The following CNTN5 variants were observed in gnomAD, a reference collection of about 807,000 sequenced individuals.
CNTN5 encodes contactin-5.
In CNTN5, 77 loss-of-function variants were observed where a neutral mutation model predicts 129.1. The observed-to-expected ratio is 0.60, with a 90% CI of 0.50 to 0.72. The LOEUF is 0.72. CNTN5 is among the 30% of genes least tolerant of loss of function. The pLI, the probability that CNTN5 is intolerant of heterozygous loss-of-function variation, is 0.00. For synonymous variants in CNTN5, 509 were observed against 465.6 expected (o/e 1.09, Z -1.20); for missense variants, 1,478 against 1,328.8 (o/e 1.11, Z -1.75).
At chr11:99,998,007 A>T (rs1939573778) in intron 8 of CNTN5, among the ~76,000 whole-genome samples, 1 of 152,162 alleles carries the variant, frequency 6.6e-6, no homozygotes, top group Admixed American at 6.6e-5. Flanking sequence ...ACGTATCTCA[A>T]AATGATAAGA....
chr11:99,318,598 T>C (rs17577573), intron 1 of CNTN5, among the ~76,000 whole-genome samples: 40,019 of 151,924 alleles, frequency 0.26, 5,906 homozygotes, highest in Middle Eastern at 0.38. Flanking sequence ...AGGAGCATCA[T>C]CCAAAACATC....
intron 3 of CNTN5, among the ~76,000 whole-genome samples, chr11:99,685,025 C>CT (rs1953728347): frequency 1.3e-5 from 2 of 150,922 alleles, no homozygotes; most frequent in South Asian, 4.2e-4. Flanking sequence ...GATTTTTAAT[C>CT]TTTTTTCTAA....
chr11:100,089,478 C>A (rs1331619209), intron 13 of CNTN5, among the ~76,000 whole-genome samples: 1 of 152,128 alleles, frequency 6.6e-6, no homozygotes, highest in Admixed American at 6.6e-5. Flanking sequence ...ATTAGTTCAA[C>A]CATTGAGTAA....
chr11:100,226,219 CTCAG>C (rs892229080), intron 16 of CNTN5, among the ~76,000 whole-genome samples: 3 of 152,108 alleles, frequency 2.0e-5, no homozygotes, highest in African/African-American at 7.2e-5. Context: ...AAACCCTACA[CTCAG>C]TCAAATTCAT....
At chr11:99,750,748 A>G (rs1291425987) in intron 3 of CNTN5, among the ~76,000 whole-genome samples, 2 of 152,338 alleles carry the variant, frequency 1.3e-5, no homozygotes, top group South Asian at 2.1e-4. Flanking sequence ...TATCACACGA[A>G]CAATATCTTT....
intron 4 of CNTN5, among the ~76,000 whole-genome samples, chr11:99,830,127 G>T (rs781679988): frequency 6.6e-6 from 1 of 152,032 alleles, no homozygotes; most frequent in African/African-American, 2.4e-5. Context: ...TTTTTCGGGG[G>T]CGGGGAGCAT....
chr11:99,769,471 A>G (rs1194407167), intron 3 of CNTN5, among the ~76,000 whole-genome samples: 6 of 151,830 alleles, frequency 4.0e-5, no homozygotes, highest in Non-Finnish European at 7.4e-5. Flanking sequence ...CACCTCTCTC[A>G]CTCTATAACT....
chr11:99,986,916 T>C (rs759973530), intron 8 of CNTN5, among the ~76,000 whole-genome samples: 5 of 152,240 alleles, frequency 3.3e-5, no homozygotes, highest in Middle Eastern at 3.4e-3. Context: ...GGAATCAAAT[T>C]GACAGAACTT....
At chr11:100,197,122 G>A (rs1948658525) in intron 15 of CNTN5, among the ~76,000 whole-genome samples, 1 of 152,056 alleles carries the variant, frequency 6.6e-6, no homozygotes, top group Admixed American at 6.6e-5. Context: ...CATAGGAGAA[G>A]CTGCATCTCA....
chr11:99,703,697 G>A (rs531705049), intron 3 of CNTN5, among the ~76,000 whole-genome samples: 56 of 150,918 alleles, frequency 3.7e-4, no homozygotes, highest in African/African-American at 1.3e-3. Context: ...CTAATGACAT[G>A]TTCTATTAGT....
chr11:99,752,999 G>A (rs567251354), intron 3 of CNTN5, among the ~76,000 whole-genome samples: 4 of 151,936 alleles, frequency 2.6e-5, no homozygotes, highest in African/African-American at 9.7e-5. Flanking sequence ...TAACCTATAG[G>A]AAGGCACAAA....
chr11:99,169,307 T>C (rs916309688), intron 1 of CNTN5, among the ~76,000 whole-genome samples: 4 of 152,218 alleles, frequency 2.6e-5, no homozygotes, highest in African/African-American at 9.6e-5. Context: ...GGAATTCCTG[T>C]GCTATTTTAT....
At chr11:99,087,797 C>T (rs895189639) in intron 1 of CNTN5, among the ~76,000 whole-genome samples, 5 of 152,150 alleles carry the variant, frequency 3.3e-5, no homozygotes, top group African/African-American at 1.2e-4. Flanking sequence ...TAAAGAATAA[C>T]AAGACATTTT....
intron 21 of CNTN5, among the ~76,000 whole-genome samples, chr11:100,310,219 C>T (rs2138927531): frequency 6.6e-6 from 1 of 152,054 alleles, no homozygotes; most frequent in South Asian, 2.1e-4. Flanking sequence ...GGGCAGACGT[C>T]TGGTGTGCAT....
At chr11:99,117,256 T>C (rs974883493) in intron 1 of CNTN5, among the ~76,000 whole-genome samples, 2 of 152,124 alleles carry the variant, frequency 1.3e-5, no homozygotes, top group Non-Finnish European at 2.9e-5. Context: ...GAATCACAAA[T>C]ATGCAGTATG....
chr11:99,732,914 G>T (rs1364968729), intron 3 of CNTN5, among the ~76,000 whole-genome samples: 1 of 152,128 alleles, frequency 6.6e-6, no homozygotes, highest in Non-Finnish European at 1.5e-5. Context: ...AGAAATAAAA[G>T]ATATGCCTTT....
In CNTN5 at chr11:99,199,303, G is replaced by A. The variant is rs527679691; in HGVS notation, c.-209-126043G>A. 1.4e-4 allele frequency among the ~76,000 whole-genome samples: 22 copies of A among 152,286 alleles called. No individual in the cohort carries two copies. The East Asian group carries it at 4.2e-3, about 29-fold the overall frequency. On this transcript the variant is annotated intron_variant, in intron 1 of 24. Coordinates refer to ENST00000524871, the MANE Select transcript of CNTN5 (RefSeq NM_014361.4). The stretch of plus-strand genomic sequence containing the variant: ...GATTAAGTTGGTGTCACTGATTAAA[G>A]CAAGTAAGAAAAAACATGAAGTGAA...
chr11:99,211,146 G>A (rs1348628823), intron 1 of CNTN5, among the ~76,000 whole-genome samples: 3 of 151,910 alleles, frequency 2.0e-5, no homozygotes, highest in African/African-American at 7.2e-5. Flanking sequence ...ATCGTAAAAT[G>A]TCCCTTTTTA....
rs11221557 is a variant in CNTN5, at chr11:99,833,897, G to T, written c.278-10955G>T. Among the ~76,000 whole-genome samples the T allele has an allele frequency of 3.9e-5, 6 of 152,076 alleles. No individual in the cohort carries two copies. In the East Asian group the frequency reaches 1.2e-3, roughly 30 times the overall value. On this transcript the variant is annotated intron_variant, in intron 4 of 24. Transcript: ENST00000524871. ...CCTTCTTCGTGTTTCAGACATTTGT[G>T]GGGGTAGTCTCAGTTATTCAAGGAT... is the stretch of plus-strand genomic sequence containing the variant.
Sources: gnomAD v4.1 joint callset for allele counts (sites outside exome capture counted in the v4.1 genomes callset) on GRCh38, gnomAD v4.1.1 for gene constraint, MANE v1.5 for transcripts, NCBI Gene and HGNC (gene_info 2026-07-23, HGNC 2026-07-21) for gene names.